RBFOX3: variants seen among roughly 807,000 people sequenced by gnomAD.
RBFOX3 encodes RNA binding protein fox-1 homolog 3.
Under a neutral mutation model 48.7 loss-of-function variants are expected in RBFOX3, and 17 were observed. The observed-to-expected ratio is 0.35, with a 90% CI of 0.24 to 0.52. The LOEUF is 0.52. RBFOX3 is among the 20% of genes least tolerant of loss of function. The pLI, the probability that RBFOX3 is intolerant of heterozygous loss-of-function variation, is 0.94. For synonymous variants in RBFOX3, 212 were observed against 209.5 expected (o/e 1.01, Z -0.10); for missense variants, 382 against 497.5 (o/e 0.77, Z 2.21).
Position 79,412,880 on chromosome 17 carries a change from C to T in RBFOX3, c.-175+69574G>A, listed in dbSNP as rs564254154. On this transcript the variant is annotated intron_variant, in intron 2 of 14. Coordinates refer to ENST00000693108, the MANE Select transcript of RBFOX3 (RefSeq NM_001350451.2). ...TGAATGTATGTGTGGTGTGTATGCA[C>T]GTGTTGTGTATGTGTGTGGCATGAT... is the stretch of plus-strand genomic sequence containing the variant. Among the ~76,000 whole-genome samples the T allele has an allele frequency of 1.3e-4, 20 of 151,776 alleles. No individual in the cohort carries two copies. The South Asian group carries it at 2.9e-3, about 22-fold the overall frequency.
chr17:79,306,252 G>T (rs981489733), intron 3 of RBFOX3, among the ~76,000 whole-genome samples: 2 of 152,236 alleles, frequency 1.3e-5, no homozygotes, highest in African/African-American at 4.8e-5. Flanking sequence ...CACGGCAATG[G>T]CGGAAAATAA....
At chr17:79,173,480 G>A (rs913487859) in intron 4 of RBFOX3, among the ~76,000 whole-genome samples, 2 of 152,186 alleles carry the variant, frequency 1.3e-5, no homozygotes, top group Non-Finnish European at 2.9e-5. Flanking sequence ...GCCTGGTGGG[G>A]AGGGCCTATT....
intron 1 of RBFOX3, among the ~76,000 whole-genome samples, chr17:79,604,338 C>T (rs1470922759): frequency 6.6e-6 from 1 of 152,134 alleles, no homozygotes; most frequent in Non-Finnish European, 1.5e-5. Context: ...CCTTTTTTTG[C>T]TCGGATCTCA....
chr17:79,103,086 G>T lies in RBFOX3; in HGVS notation c.507+76C>A. On this transcript the variant is annotated intron_variant, in intron 8 of 14. Coordinates refer to ENST00000693108, the MANE Select transcript of RBFOX3 (RefSeq NM_001350451.2). The surrounding 1 kb of genome is among the most constrained non-coding windows in gnomAD (Gnocchi z 6.1). ...CTCTGAAGGGTGCGGCAGTGGCAGG[G>T]CTGGTTGGTTGGGGGAGCTGGGGGG... 1 of 1,107,142 alleles carries T rather than the reference G, an allele frequency of 9.0e-7. No homozygotes were observed. The highest frequency in any genetic ancestry group is 1.3e-6 in the Non-Finnish European group (1 of 747,062). 68.6% of individuals were successfully genotyped at this position (1,107,142 alleles called of 1,614,324 possible).
chr17:79,289,032 G>T (rs542621983), intron 3 of RBFOX3, among the ~76,000 whole-genome samples: 2 of 152,216 alleles, frequency 1.3e-5, no homozygotes, highest in Admixed American at 6.5e-5. Context: ...CAGCTGGGGG[G>T]AGTCACTCAC....
chr17:79,180,196 TTG>T (rs1274862304), intron 4 of RBFOX3, among the ~76,000 whole-genome samples: 2 of 152,172 alleles, frequency 1.3e-5, no homozygotes, highest in African/African-American at 4.8e-5. Flanking sequence ...CACAGAACTG[TTG>T]TGTCTCAGGA....
chr17:79,220,209 C>T lies in RBFOX3; in HGVS notation c.-34+15557G>A, dbSNP rs1001514432. Among the ~76,000 whole-genome samples, 3 of 152,242 alleles carry T rather than the reference C, an allele frequency of 2.0e-5. No homozygotes were observed. Among genetic ancestry groups the T allele is most frequent in the Admixed American group, 6.5e-5 (1 of 15,302 alleles). On this transcript the variant is annotated intron_variant, in intron 4 of 14. Coordinates refer to ENST00000693108, the MANE Select transcript of RBFOX3 (RefSeq NM_001350451.2). The surrounding 1 kb of genome is among the most constrained non-coding windows in gnomAD (Gnocchi z 5.9). ...AAAATACATCATCATTTCGGAACCG[C>T]GGCTCCACAGCAGGCTCCCGGGGAG...
intron 2 of RBFOX3, among the ~76,000 whole-genome samples, chr17:79,327,029 T>G (rs1461431736): frequency 6.6e-6 from 1 of 152,228 alleles, no homozygotes; most frequent in Non-Finnish European, 1.5e-5. Flanking sequence ...CTCCTGGCTC[T>G]GCAGTCAGGC....
At chr17:79,652,533 G>A in the RBFOX3 span, among the ~76,000 whole-genome samples, 3 of 69,876 alleles carry the variant, frequency 4.3e-5, no homozygotes, top group East Asian at 1.3e-3. Flanking sequence ...GGGAGGGGAG[G>A]GGGAAAAGAA....
At chr17:79,638,384 A>T in the RBFOX3 span, among the ~76,000 whole-genome samples, 1 of 152,012 alleles carries the variant, frequency 6.6e-6, no homozygotes, top group African/African-American at 2.4e-5. Flanking sequence ...AAATAAATAA[A>T]GTCAGAAATT....
At chr17:79,138,422 C>T (rs1419125592) in intron 4 of RBFOX3, among the ~76,000 whole-genome samples, 1 of 152,020 alleles carries the variant, frequency 6.6e-6, no homozygotes, top group Non-Finnish European at 1.5e-5. Flanking sequence ...ACACTCACTC[C>T]ACACTCTCAC....
At chr17:79,287,765 G>C (rs984548714) in intron 3 of RBFOX3, among the ~76,000 whole-genome samples, 3 of 152,200 alleles carry the variant, frequency 2.0e-5, no homozygotes, top group Admixed American at 6.5e-5. Flanking sequence ...GGTCCAGGCA[G>C]GTTGGGCTCC....
intron 2 of RBFOX3, among the ~76,000 whole-genome samples, chr17:79,466,197 G>A (rs538409909): frequency 4.6e-5 from 7 of 152,296 alleles, no homozygotes; most frequent in Admixed American, 6.5e-5. Flanking sequence ...GGGCCCCAGC[G>A]GCCTCCTCCC....
At position 79,106,720 on chromosome 17, in the gene RBFOX3, C is replaced by G; in HGVS notation, c.291G>C (p.Gln97His). The G allele has an allele frequency of 6.7e-7, 1 of 1,501,886 alleles. No individual in the cohort carries two copies. Among genetic ancestry groups the G allele is most frequent in the Non-Finnish European group, 8.9e-7 (1 of 1,129,592 alleles). The allele number at this position is 1,501,886 out of a possible 1,614,324, so 93.0% of individuals were successfully genotyped here. ...LHPSDPTEKQ[Q>H]PKRLHVSNIP... Reference sequence around the variant, plus strand: ...TGTTGGAGACGTGTAGCCGCTTGGGCTGCTGCTTCTCTGTAGGGTCGGAGG... The same window carrying G: ...TGTTGGAGACGTGTAGCCGCTTGGGGTGCTGCTTCTCTGTAGGGTCGGAGG... Residue 97 changes from glutamine (Q) to histidine (H), a missense_variant, in exon 6 of 15, where the codon CAG becomes CAC. Transcript: ENST00000693108.
At chr17:79,568,268 G>A (rs1948572997) in intron 1 of RBFOX3, among the ~76,000 whole-genome samples, 1 of 152,176 alleles carries the variant, frequency 6.6e-6, no homozygotes, top group Non-Finnish European at 1.5e-5. Context: ...AAGTCCATGT[G>A]CTGAGAGAAC....
chr17:79,188,018 T>C (rs1013205875), intron 4 of RBFOX3, among the ~76,000 whole-genome samples: 29 of 152,182 alleles, frequency 1.9e-4, no homozygotes, highest in African/African-American at 6.5e-4. Context: ...GCTTCCACTT[T>C]GTTCTGGCCT....
At chr17:79,159,959 T>C (rs1435537862) in intron 4 of RBFOX3, among the ~76,000 whole-genome samples, 1 of 152,212 alleles carries the variant, frequency 6.6e-6, no homozygotes, top group Admixed American at 6.5e-5. Flanking sequence ...CCCAGCACCG[T>C]TGATACAGCC....
At chr17:79,665,474 T>C in the RBFOX3 span, among the ~76,000 whole-genome samples, 7 of 150,648 alleles carry the variant, frequency 4.6e-5, no homozygotes, top group Non-Finnish European at 1.0e-4. Context: ...GAGCTGCGGC[T>C]TTGCCAGTGA....
intron 9 of RBFOX3, 113 bp from the exon 10 acceptor site, chr17:79,097,858 G>A (rs1029114733): frequency 1.7e-5 from 19 of 1,094,832 alleles, no homozygotes; most frequent in Non-Finnish European, 2.2e-5. Flanking sequence ...CATTCCCAGG[G>A]CGCCTCCCCG....
Sources: allele counts gnomAD v4.1 joint callset (sites outside exome capture counted in the v4.1 genomes callset), GRCh38; gene constraint gnomAD v4.1.1; non-coding constraint Gnocchi (gnomAD v3.1); transcripts MANE v1.5; gene names NCBI Gene and HGNC (gene_info 2026-07-23, HGNC 2026-07-21).